Variants in PRKCH observed in about 807,000 individuals in gnomAD.
PRKCH encodes the protein protein kinase C eta.
PRKCH carries 28 observed loss-of-function variants against 82.5 expected under a neutral mutation model. That is an observed-to-expected ratio of 0.34 (90% CI 0.25 to 0.47). The LOEUF (loss-of-function observed/expected upper bound fraction) is 0.47. PRKCH is among the 20% of genes least tolerant of loss of function. The probability of loss-of-function intolerance (pLI) is 1.00; values close to 1 mark genes in which losing one functional copy is unlikely to be tolerated. For missense variants in PRKCH, 705 were observed against 881.8 expected, an observed-to-expected ratio of 0.80 and a Z score of 2.54; for synonymous variants, 322 against 327.4, an observed-to-expected ratio of 0.98 and a Z score of 0.18.
intron 2 of PRKCH, among the ~76,000 whole-genome samples, chr14:61,419,886 C>G (rs996921355): frequency 2.6e-5 from 4 of 152,184 alleles, no homozygotes; most frequent in African/African-American, 9.7e-5. Context: ...TGGTGTCTGC[C>G]TTACTCCTTA....
At chr14:61,494,015 G>A (rs1009043723) in intron 10 of PRKCH, among the ~76,000 whole-genome samples, 8 of 152,162 alleles carry the variant, frequency 5.3e-5, no homozygotes, top group Non-Finnish European at 7.3e-5. Flanking sequence ...CATGTGCCTA[G>A]GAAGAAGTCT....
At chr14:61,397,490 A>G (rs1179001629) in intron 2 of PRKCH, among the ~76,000 whole-genome samples, 1 of 152,234 alleles carries the variant, frequency 6.6e-6, no homozygotes, top group African/African-American at 2.4e-5. Flanking sequence ...AGATTTAGCA[A>G]GAAAACCAGC....
chr14:61,236,789 T>C (rs1375651345), intron 1 of PRKCH, among the ~76,000 whole-genome samples: 3 of 149,054 alleles, frequency 2.0e-5, no homozygotes, highest in Non-Finnish European at 4.4e-5. Context: ...AAGAGTGACC[T>C]CTGGTGTCCT....
intron 2 of PRKCH, among the ~76,000 whole-genome samples, chr14:61,413,861 T>C (rs1467794058): frequency 6.6e-6 from 1 of 152,204 alleles, no homozygotes; most frequent in East Asian, 1.9e-4. Context: ...CAAGTAGCGC[T>C]TGATAAGGTC....
Position 61,322,193 on chromosome 14 carries a change from A to T in PRKCH, c.92A>T (p.His31Leu). ...CAGCCCACCCGCTGGTCCCTGCGCCACTCGCTCTTCAAGAAGGGCCACCAG... is the reference window on the plus strand; with the variant it reads ...CAGCCCACCCGCTGGTCCCTGCGCCTCTCGCTCTTCAAGAAGGGCCACCAG... The part of the protein sequence containing the change: ...GLQPTRWSLR[H>L]SLFKKGHQLL... Residue 31 changes from histidine to leucine, a missense_variant, in exon 1 of 14, where the codon CAC (histidine) becomes CTC (leucine). Physicochemically the swap from His to Leu is moderately conservative, Grantham distance 99 (BLOSUM62 -3). This residue lies in a region of PRKCH where 246 missense variants were observed against 308.0 expected (regional missense o/e 0.80). Coordinates refer to ENST00000332981, the MANE Select transcript of PRKCH (RefSeq NM_006255.5). 2 of 1,612,162 alleles carry T rather than the reference A, an allele frequency of 1.2e-6. No homozygotes were observed. The highest frequency in any genetic ancestry group is 1.7e-6 in the Non-Finnish European group (2 of 1,179,426).
At chr14:61,224,562 G>A (rs200383644) in intron 1 of PRKCH, among the ~76,000 whole-genome samples, 37 of 152,264 alleles carry the variant, frequency 2.4e-4, no homozygotes, top group African/African-American at 6.7e-4. Flanking sequence ...TGGGTGTTTC[G>A]AAGAATGTCC....
chr14:61,198,072 TA>T (rs67182433), intron 1 of PRKCH, among the ~76,000 whole-genome samples: 49,877 of 150,658 alleles, frequency 0.33, 9,639 homozygotes, highest in East Asian at 0.45. Context: ...AATTGATCCT[TA>T]AAAAAAAAAG....
At chr14:61,459,766 C>A (rs947004641) in intron 9 of PRKCH, among the ~76,000 whole-genome samples, 1 of 152,164 alleles carries the variant, frequency 6.6e-6, no homozygotes, top group Non-Finnish European at 1.5e-5. Context: ...CATATATATA[C>A]AGCACATATA....
chr14:61,499,609 C>T (rs953350954), intron 10 of PRKCH, among the ~76,000 whole-genome samples: 1 of 152,136 alleles, frequency 6.6e-6, no homozygotes, highest in South Asian at 2.1e-4. Flanking sequence ...TTGGCATTTG[C>T]GTCAAAATTT....
intron 1 of PRKCH, among the ~76,000 whole-genome samples, chr14:61,246,843 C>G (rs1486917509): frequency 2.0e-5 from 3 of 152,212 alleles, no homozygotes; most frequent in Non-Finnish European, 4.4e-5. Flanking sequence ...CCACCTCAGC[C>G]TCCCAATGTG....
chr14:61,544,233 C>T (rs554565394), intron 12 of PRKCH: 1 of 152,334 alleles, frequency 6.6e-6, no homozygotes, highest in Admixed American at 6.5e-5. Flanking sequence ...GACTGGGCAT[C>T]TGGTGCCCCA....
intron 1 of PRKCH, among the ~76,000 whole-genome samples, chr14:61,309,272 G>C (rs1391297277): frequency 6.6e-6 from 1 of 152,086 alleles, no homozygotes; most frequent in Admixed American, 6.6e-5. Context: ...ACAGGAGTGA[G>C]ACCCTGTCTC....
chr14:61,505,301 T>C (rs1173666519), intron 10 of PRKCH, among the ~76,000 whole-genome samples: 2 of 151,882 alleles, frequency 1.3e-5, no homozygotes, highest in East Asian at 3.9e-4. Flanking sequence ...GGCCTGTTTC[T>C]TGGTTCACGG....
intron 1 of PRKCH, among the ~76,000 whole-genome samples, chr14:61,331,224 A>G (rs2045783752): frequency 6.6e-6 from 1 of 152,228 alleles, no homozygotes; most frequent in Admixed American, 6.5e-5. Context: ...GTTTAGATAT[A>G]TATTTACTTA....
At chr14:61,547,986 AC>A in intron 13 of PRKCH, 100 bp downstream of exon 13, 1 of 1,489,744 alleles carries the variant, frequency 6.7e-7, no homozygotes, top group Middle Eastern at 1.8e-4. Flanking sequence ...TGGGTGACAG[AC>A]CAGAAATTCA....
At chr14:61,316,689 A>T (rs1436508684), upstream of PRKCH, among the ~76,000 whole-genome samples, 1 of 152,182 alleles carries the variant, frequency 6.6e-6, no homozygotes, top group Non-Finnish European at 1.5e-5. Flanking sequence ...CTTCTTACGG[A>T]GACCTTGTAC....
At chr14:61,457,701 T>C in intron 9 of PRKCH, 22 bp downstream of exon 9, 1 of 1,611,370 alleles carries the variant, frequency 6.2e-7, no homozygotes, top group South Asian at 1.1e-5. Context: ...TCACATTCAC[T>C]GCACCAACAG....
intron 1 of PRKCH, among the ~76,000 whole-genome samples, chr14:61,327,368 T>C (rs753573387): frequency 1.2e-4 from 19 of 152,224 alleles, no homozygotes; most frequent in Non-Finnish European, 2.5e-4. Context: ...ATTCTCATGA[T>C]TGATTTTTTT....
intron 1 of PRKCH, among the ~76,000 whole-genome samples, chr14:61,346,431 A>C (rs2045992876): frequency 6.6e-6 from 1 of 152,230 alleles, no homozygotes; most frequent in South Asian, 2.1e-4. Context: ...GTAACTTGAG[A>C]TAGTGTGTCA....
Sources: allele counts gnomAD v4.1 joint callset (sites outside exome capture counted in the v4.1 genomes callset), GRCh38; gene constraint gnomAD v4.1.1; regional missense constraint gnomAD v4.1.1; transcripts MANE v1.5; gene names NCBI Gene and HGNC (gene_info 2026-07-23, HGNC 2026-07-21).